SORCS1: variants seen among roughly 807,000 people sequenced by gnomAD.
The protein encoded by SORCS1 is VPS10 domain-containing receptor SorCS1.
SORCS1 carries 60 observed loss-of-function variants against 146.1 expected under a neutral mutation model. The observed-to-expected ratio is 0.41, with a 90% confidence interval of 0.33 to 0.51. The LOEUF (loss-of-function observed/expected upper bound fraction) is 0.51, where lower values mean the gene tolerates loss of function less well. SORCS1 is among the 20% of genes least tolerant of loss of function. The probability of loss-of-function intolerance (pLI) is 0.21; values close to 1 mark genes in which losing one functional copy is unlikely to be tolerated. For synonymous variants in SORCS1, 637 were observed against 584.0 expected (o/e 1.09, Z -1.31); for missense variants, 1,352 against 1,487.6 (o/e 0.91, Z 1.50).
At chr10:106,774,946 G>A (rs958793317) in intron 4 of SORCS1, among the ~76,000 whole-genome samples, 7 of 152,254 alleles carry the variant, frequency 4.6e-5, no homozygotes, top group South Asian at 2.1e-4. Flanking sequence ...ACATTTTAAC[G>A]CAAAGGAAAC....
At chr10:106,677,823 T>A (rs1397435878) in intron 12 of SORCS1, among the ~76,000 whole-genome samples, 1 of 152,214 alleles carries the variant, frequency 6.6e-6, no homozygotes, top group Non-Finnish European at 1.5e-5. Flanking sequence ...AGAGATGTGG[T>A]AACTTGCCTG....
At chr10:107,067,223 C>G (rs570231562) in intron 1 of SORCS1, among the ~76,000 whole-genome samples, 1 of 152,196 alleles carries the variant, frequency 6.6e-6, no homozygotes, top group East Asian at 1.9e-4. Flanking sequence ...TTACTCCTTA[C>G]TGACATATTA....
intron 2 of SORCS1, among the ~76,000 whole-genome samples, chr10:106,953,755 G>A (rs1053371081): frequency 2.6e-5 from 4 of 152,170 alleles, no homozygotes; most frequent in African/African-American, 9.7e-5. Flanking sequence ...CATGGTATTT[G>A]TGTATCTAAA....
chr10:106,652,027 G>A (rs889781007), intron 18 of SORCS1, among the ~76,000 whole-genome samples: 1 of 152,156 alleles, frequency 6.6e-6, no homozygotes, highest in Non-Finnish European at 1.5e-5. Flanking sequence ...CATCTCTTAG[G>A]TTAGTTTAGT....
At chr10:106,594,836 T>G (rs1473198320) in intron 24 of SORCS1, among the ~76,000 whole-genome samples, 1 of 152,254 alleles carries the variant, frequency 6.6e-6, no homozygotes, top group African/African-American at 2.4e-5. Context: ...TGTTTTTAAT[T>G]TCTAAACTCA....
At chr10:106,843,021 T>A (rs958835590) in intron 2 of SORCS1, among the ~76,000 whole-genome samples, 1 of 152,220 alleles carries the variant, frequency 6.6e-6, no homozygotes, top group East Asian at 1.9e-4. Context: ...TATAATGTTT[T>A]CATATAGGTA....
At chr10:107,154,506 T>C (rs1969116082) in intron 1 of SORCS1, among the ~76,000 whole-genome samples, 1 of 152,156 alleles carries the variant, frequency 6.6e-6, no homozygotes, top group South Asian at 2.1e-4. Context: ...AGTTATAGGT[T>C]GTTCACAACA....
At chr10:106,684,833 G>C (rs946830680) in intron 10 of SORCS1, among the ~76,000 whole-genome samples, 3 of 152,136 alleles carry the variant, frequency 2.0e-5, no homozygotes, top group African/African-American at 7.2e-5. Flanking sequence ...GCCTAAAGAA[G>C]GTTTTTAACA....
chr10:107,130,626 C>G (rs1322430454), intron 1 of SORCS1, among the ~76,000 whole-genome samples: 1 of 152,100 alleles, frequency 6.6e-6, no homozygotes, highest in African/African-American at 2.4e-5. Context: ...TAAAGTCTTT[C>G]GACTTAGAAT....
intron 5 of SORCS1, among the ~76,000 whole-genome samples, chr10:106,751,116 T>G (rs1378118054): frequency 3.5e-5 from 5 of 143,422 alleles, no homozygotes; most frequent in African/African-American, 1.3e-4. Flanking sequence ...TGCAAAAGCG[T>G]TAGCAAGCAG....
At chr10:106,688,098 G>A (rs1853000294) in intron 10 of SORCS1, 94 bp downstream of exon 10, 1 of 1,506,936 alleles carries the variant, frequency 6.6e-7, no homozygotes, top group South Asian at 1.3e-5. Flanking sequence ...TTCATCAACT[G>A]AGCAAAAGTC....
intron 1 of SORCS1, among the ~76,000 whole-genome samples, chr10:106,975,409 C>A (rs1001993766): frequency 6.6e-6 from 1 of 152,224 alleles, no homozygotes; most frequent in African/African-American, 2.4e-5. Flanking sequence ...TTGGTGTCAG[C>A]ATTTTATCGG....
intron 2 of SORCS1, among the ~76,000 whole-genome samples, chr10:106,842,056 T>C (rs1949068719): frequency 6.6e-6 from 1 of 152,232 alleles, no homozygotes; most frequent in African/African-American, 2.4e-5. Context: ...TGAATCAGAG[T>C]TCCTGTTGTT....
At chr10:106,985,149 T>G (rs1956411608) in intron 1 of SORCS1, among the ~76,000 whole-genome samples, 1 of 152,066 alleles carries the variant, frequency 6.6e-6, no homozygotes, top group East Asian at 1.9e-4. Flanking sequence ...ATCACATCAC[T>G]GCACTCCAGC....
chr10:107,059,307 A>T (rs1182761795), intron 1 of SORCS1, among the ~76,000 whole-genome samples: 1 of 152,220 alleles, frequency 6.6e-6, no homozygotes, highest in Non-Finnish European at 1.5e-5. Flanking sequence ...AACAGTGACA[A>T]ATGCAAGCAT....
chr10:107,071,614 C>T (rs188173603), intron 1 of SORCS1, among the ~76,000 whole-genome samples: 32 of 152,286 alleles, frequency 2.1e-4, no homozygotes, highest in African/African-American at 7.7e-4. Flanking sequence ...GGAAAATCAT[C>T]CCTCTAGATT....
intron 3 of SORCS1, among the ~76,000 whole-genome samples, chr10:106,817,447 G>C (rs1347219429): frequency 1.3e-5 from 2 of 152,084 alleles, no homozygotes; most frequent in Non-Finnish European, 2.9e-5. Context: ...ATGCTTGGCT[G>C]CTTCTTTTAT....
intron 2 of SORCS1, among the ~76,000 whole-genome samples, chr10:106,869,883 G>T (rs1446239927): frequency 6.6e-6 from 1 of 152,058 alleles, no homozygotes; most frequent in Admixed American, 6.6e-5. Context: ...ATCCAAATAG[G>T]AAAAGAGGGA....
chr10:106,623,865 G>A (rs1203871014), intron 19 of SORCS1, among the ~76,000 whole-genome samples: 2 of 151,814 alleles, frequency 1.3e-5, no homozygotes, highest in Non-Finnish European at 2.9e-5. Context: ...TGTATTTTTA[G>A]TAGGTACGGA....
Sources: allele counts gnomAD v4.1 joint callset (sites outside exome capture counted in the v4.1 genomes callset), GRCh38; gene constraint gnomAD v4.1.1; transcripts MANE v1.5; gene names NCBI Gene and HGNC (gene_info 2026-07-23, HGNC 2026-07-21).